The following SLC2A12 variants were observed in gnomAD, a reference collection of about 807,000 sequenced individuals.
SLC2A12 encodes the protein solute carrier family 2, facilitated glucose transporter member 12.
Under a neutral mutation model 41.8 loss-of-function variants are expected in SLC2A12, and 23 were observed. The ratio of observed to expected loss-of-function variants is 0.55; its 90% confidence interval spans 0.40 to 0.78. The LOEUF (loss-of-function observed/expected upper bound fraction) is 0.78, where lower values mean the gene tolerates loss of function less well. Ranked by LOEUF, SLC2A12 falls within the 30% of genes least tolerant of loss-of-function variation. The pLI is 0.00. For synonymous variants in SLC2A12, 295 were observed against 285.9 expected (o/e 1.03, Z -0.32); for missense variants, 654 against 745.6 (o/e 0.88, Z 1.43).
At chr6:134,020,225 G>A (rs10499188) in intron 2 of SLC2A12, among the ~76,000 whole-genome samples, 6,077 of 152,212 alleles carry the variant, frequency 0.04, 163 homozygotes, top group East Asian at 0.1. Context: ...ATTAAGGAAT[G>A]TTGTTCTAAG....
At chr6:134,038,743 T>A (rs1221593821) in intron 1 of SLC2A12, among the ~76,000 whole-genome samples, 1 of 140,790 alleles carries the variant, frequency 7.1e-6, no homozygotes, top group Non-Finnish European at 1.5e-5. Context: ...TCTCGCTCTT[T>A]CGCCCAGGCT....
In SLC2A12 at chr6:133,989,699, T is replaced by C. The variant is rs1199835438; in HGVS notation, c.*1456A>G. ...TAGTCAGTCTCCTGAGTCTCTGATA[T>C]AGTTTTACTACTTACATAGGTTTAT... On this transcript the variant is annotated 3_prime_UTR_variant, in exon 5 of 5. Transcript: ENST00000275230. 4 of 152,190 alleles carry C rather than the reference T, an allele frequency of 2.6e-5. No individual in the cohort carries two copies. Among genetic ancestry groups the C allele is most frequent in the Non-Finnish European group, 5.9e-5 (4 of 68,026 alleles). The allele number at this position is 152,190 out of a possible 1,614,324, so 9.4% of individuals were successfully genotyped here.
intron 4 of SLC2A12, among the ~76,000 whole-genome samples, chr6:134,000,580 A>G (rs1776744098): frequency 6.6e-6 from 1 of 152,208 alleles, no homozygotes; most frequent in Non-Finnish European, 1.5e-5. Flanking sequence ...TTAAAACCCA[A>G]CAATAAGTAT....
At chr6:133,996,363 GT>G (rs1239891393) in intron 4 of SLC2A12, among the ~76,000 whole-genome samples, 2 of 152,208 alleles carry the variant, frequency 1.3e-5, no homozygotes, top group Non-Finnish European at 2.9e-5. Context: ...CCCATTTTGA[GT>G]TTGTAGCTTG....
chr6:134,003,105 G>C (rs1330681528), intron 3 of SLC2A12, among the ~76,000 whole-genome samples: 4 of 152,212 alleles, frequency 2.6e-5, no homozygotes, highest in Admixed American at 2.0e-4. Flanking sequence ...CAGGAAAACT[G>C]ACTGAGCACT....
chr6:134,010,372 G>T (rs1034044690), intron 2 of SLC2A12, among the ~76,000 whole-genome samples: 2 of 152,098 alleles, frequency 1.3e-5, no homozygotes, highest in Non-Finnish European at 2.9e-5. Context: ...GATGCACATT[G>T]TCCTATTTGT....
intron 1 of SLC2A12, among the ~76,000 whole-genome samples, chr6:134,047,976 C>T (rs776141850): frequency 3.9e-5 from 6 of 152,214 alleles, no homozygotes; most frequent in Admixed American, 2.0e-4. Context: ...GGCAACCTCT[C>T]TGCTCTCTCT....
In SLC2A12 at chr6:133,988,957, C is replaced by A. The variant is rs918962135; in HGVS notation, c.*2198G>T. ...ATGCTTATATAGCCAAGGTACAGATCCAGATGATGTAACCTTTTTAGTATT... is the reference window on the plus strand; with the variant it reads ...ATGCTTATATAGCCAAGGTACAGATACAGATGATGTAACCTTTTTAGTATT... On this transcript the variant is annotated 3_prime_UTR_variant, in exon 5 of 5. Coordinates refer to ENST00000275230, the MANE Select transcript of SLC2A12 (RefSeq NM_145176.3). The A allele has an allele frequency of 6.6e-6, 1 of 152,090 alleles. No homozygotes were observed. Among genetic ancestry groups the A allele is most frequent in the African/African-American group, 2.4e-5 (1 of 41,412 alleles). The allele number at this position is 152,090 out of a possible 1,614,324, so 9.4% of individuals were successfully genotyped here. A position where few individuals can be genotyped will look rare whatever the true frequency, so the allele number is the denominator to read the frequency against.
At chr6:134,017,573 C>T (rs1487432153) in intron 2 of SLC2A12, among the ~76,000 whole-genome samples, 1 of 151,970 alleles carries the variant, frequency 6.6e-6, no homozygotes, top group African/African-American at 2.4e-5. Context: ...GACATTTAGG[C>T]CGGGCACGGT....
intron 1 of SLC2A12, among the ~76,000 whole-genome samples, chr6:134,035,120 G>T (rs1777275539): frequency 7.2e-6 from 1 of 138,726 alleles, no homozygotes; most frequent in African/African-American, 2.8e-5. Flanking sequence ...AACTAGACAT[G>T]GGAACATAGG....
chr6:134,030,979 G>C (rs1433342451), intron 1 of SLC2A12, among the ~76,000 whole-genome samples: 2 of 152,228 alleles, frequency 1.3e-5, no homozygotes, highest in African/African-American at 4.8e-5. Context: ...ACTGGTAGCA[G>C]GGAGGAGTTT....
In SLC2A12 at chr6:134,013,723, T is replaced by G. The variant is rs543163646; in HGVS notation, c.1445-6789A>C. ...AATAATATAGTGCTGATAACTTGATTAGATTATCCTTTATTTTTTGTTGAA... is the reference window on the plus strand; with the variant it reads ...AATAATATAGTGCTGATAACTTGATGAGATTATCCTTTATTTTTTGTTGAA... On this transcript the variant is annotated intron_variant, in intron 2 of 4. Coordinates refer to ENST00000275230, the MANE Select transcript of SLC2A12 (RefSeq NM_145176.3). Among the ~76,000 whole-genome samples, 4 of 152,340 alleles carry G rather than the reference T, an allele frequency of 2.6e-5. No individual in the cohort carries two copies. The East Asian group carries it at 7.7e-4, about 29-fold the overall frequency.
At chr6:134,046,097 T>C (rs1290694660) in intron 1 of SLC2A12, among the ~76,000 whole-genome samples, 1 of 152,226 alleles carries the variant, frequency 6.6e-6, no homozygotes, top group East Asian at 1.9e-4. Context: ...TGAAAAACTT[T>C]GCACATCTGA....
intron 1 of SLC2A12, among the ~76,000 whole-genome samples, chr6:134,049,673 T>G (rs1050359918): frequency 6.6e-6 from 1 of 152,200 alleles, no homozygotes; most frequent in Non-Finnish European, 1.5e-5. Flanking sequence ...TTACTAAAAA[T>G]GTAACCACTT....
At chr6:134,039,529 C>A (rs79822652) in intron 1 of SLC2A12, among the ~76,000 whole-genome samples, 8,270 of 152,226 alleles carry the variant, frequency 0.054, 762 homozygotes, top group African/African-American at 0.19. Context: ...TGCCAATAAC[C>A]AGATTTGCAG....
rs779958431 is a variant in SLC2A12, at chr6:134,029,735, GAA to G, written c.104-16_104-15del. 1 of 1,584,202 alleles carries G rather than the reference GAA, an allele frequency of 6.3e-7. No homozygotes were observed. The highest frequency in any genetic ancestry group is 1.7e-5 in the Admixed American group (1 of 58,712). ...ACATGCCGCAGCCTGCAAGCAGAGA[GAA>G]GAGACAGGGAGGTCAGTTCTCAGTT... On this transcript the variant is annotated splice_polypyrimidine_tract_variant and intron_variant, in intron 1 of 4. Coordinates refer to ENST00000275230, the MANE Select transcript of SLC2A12 (RefSeq NM_145176.3).
chr6:134,017,221 G>A (rs562919698), intron 2 of SLC2A12, among the ~76,000 whole-genome samples: 1 of 152,142 alleles, frequency 6.6e-6, no homozygotes, highest in Non-Finnish European at 1.5e-5. Context: ...ATTGCAGATG[G>A]CCTTGCATAC....
intron 1 of SLC2A12, among the ~76,000 whole-genome samples, chr6:134,048,051 G>A (rs938303050): frequency 6.6e-6 from 1 of 152,222 alleles, no homozygotes; most frequent in Non-Finnish European, 1.5e-5. Context: ...CCCAGAGTTT[G>A]CAGAGAAACA....
At chr6:133,995,641 C>G (rs1264379053) in intron 4 of SLC2A12, among the ~76,000 whole-genome samples, 4 of 152,220 alleles carry the variant, frequency 2.6e-5, no homozygotes, top group Non-Finnish European at 1.5e-5. Flanking sequence ...AGACCCAGCA[C>G]TAGAATCGCA....
Sources: allele counts gnomAD v4.1 joint callset (sites outside exome capture counted in the v4.1 genomes callset), GRCh38; gene constraint gnomAD v4.1.1; transcripts MANE v1.5; gene names NCBI Gene and HGNC (gene_info 2026-07-23, HGNC 2026-07-21).